Variants in DOCK4 observed in about 807,000 individuals in gnomAD.
DOCK4 encodes the protein dedicator of cytokinesis protein 4.
Under a neutral mutation model 268.1 loss-of-function variants are expected in DOCK4, and 97 were observed. The ratio of observed to expected loss-of-function variants is 0.36; its 90% CI spans 0.31 to 0.43. The LOEUF (loss-of-function observed/expected upper bound fraction) is 0.43, where lower values mean the gene tolerates loss of function less well. Among genes scored for constraint, DOCK4 ranks in the 20% least tolerant of loss-of-function variants. DOCK4 has a pLI of 1.00. For missense variants in DOCK4, 2,145 were observed against 2,455.7 expected (o/e 0.87, Z 2.67); for synonymous variants, 954 against 887.2 (o/e 1.08, Z -1.34).
intron 1 of DOCK4, among the ~76,000 whole-genome samples, chr7:112,100,524 G>A (rs945417607): frequency 1.3e-5 from 2 of 152,196 alleles, no homozygotes; most frequent in South Asian, 2.1e-4. Context: ...CTTAAGATTC[G>A]GCCCAAGGGC....
Position 111,873,966 on chromosome 7 carries a change from A to C in DOCK4, c.1745-1402T>G, listed in dbSNP as rs368702478. ...TGTTGACTATTCAGATGTAATTCAGACATCCTGGGGTATGACTGAAACCTT... is the reference window on the plus strand; with the variant it reads ...TGTTGACTATTCAGATGTAATTCAGCCATCCTGGGGTATGACTGAAACCTT... On this transcript the variant is annotated intron_variant, in intron 17 of 52. Coordinates refer to ENST00000428084, the MANE Select transcript of DOCK4 (RefSeq NM_001363540.2). 3.3e-5 allele frequency among the ~76,000 whole-genome samples: 5 copies of C among 152,344 alleles called. No homozygotes were observed. The East Asian group carries it at 9.6e-4, about 29-fold the overall frequency.
At chr7:112,096,076 CG>C (rs1810101425) in intron 1 of DOCK4, among the ~76,000 whole-genome samples, 1 of 151,988 alleles carries the variant, frequency 6.6e-6, no homozygotes, top group Non-Finnish European at 1.5e-5. Flanking sequence ...GCAACAAAAG[CG>C]AGAAACTTTG....
chr7:111,786,050 C>T (rs995574026), intron 32 of DOCK4, among the ~76,000 whole-genome samples: 8 of 152,148 alleles, frequency 5.3e-5, no homozygotes, highest in Non-Finnish European at 1.0e-4. Flanking sequence ...TGTGCATGCT[C>T]TTTTTAATCC....
intron 13 of DOCK4, among the ~76,000 whole-genome samples, chr7:111,911,951 C>T (rs574804271): frequency 1.6e-4 from 25 of 152,200 alleles, no homozygotes; most frequent in African/African-American, 4.3e-4. Context: ...GAATAGCATG[C>T]CACCAAGTAA....
chr7:111,734,103 A>C (rs1795304242), intron 51 of DOCK4, among the ~76,000 whole-genome samples: 1 of 151,876 alleles, frequency 6.6e-6, no homozygotes, highest in East Asian at 1.9e-4. Flanking sequence ...ATGCCTGGCT[A>C]ATTTTTGCAT....
intron 1 of DOCK4, among the ~76,000 whole-genome samples, chr7:112,089,869 T>G (rs1809468345): frequency 1.3e-5 from 2 of 152,316 alleles, no homozygotes; most frequent in Non-Finnish European, 2.9e-5. Flanking sequence ...AACTTCTTTT[T>G]TTAAATAAAT....
chr7:111,938,618 G>A (rs1794932317), intron 11 of DOCK4, among the ~76,000 whole-genome samples: 1 of 152,142 alleles, frequency 6.6e-6, no homozygotes, highest in African/African-American at 2.4e-5. Context: ...TTTAACTTAG[G>A]ATTTGGAATA....
intron 23 of DOCK4, among the ~76,000 whole-genome samples, chr7:111,857,469 C>A (rs908569491): frequency 2.0e-5 from 3 of 152,180 alleles, no homozygotes; most frequent in Non-Finnish European, 2.9e-5. Flanking sequence ...AAGCTTCTCA[C>A]CAGTGGTACA....
At chr7:111,993,409 G>A (rs891464125) in intron 5 of DOCK4, among the ~76,000 whole-genome samples, 1 of 152,144 alleles carries the variant, frequency 6.6e-6, no homozygotes, top group African/African-American at 2.4e-5. Context: ...TTACAGTGGG[G>A]TTCAGAGTGA....
Position 111,900,384 on chromosome 7 carries a change from C to A in DOCK4, c.1470G>T (p.Arg490=), listed in dbSNP as rs775852414. 8 of 1,612,726 alleles carry A rather than the reference C, an allele frequency of 5.0e-6. No individual in the cohort carries two copies. The East Asian group carries it at 1.8e-4, about 36-fold the overall frequency. The change falls in exon 15 of 53, where the codon CGG becomes CGT. Residue 490 remains arginine, a synonymous_variant. Transcript: ENST00000428084. ...FRGAHIRFEF[R]HCSTKEKGEK... is the part of the protein sequence containing the mutation. ...CCACCAAACACTTACTGGAACAATG[C>A]CGAAACTCGAAGCGGATGTGTGCAC...
chr7:112,010,831 T>C (rs1387592765), intron 1 of DOCK4, among the ~76,000 whole-genome samples: 2 of 152,190 alleles, frequency 1.3e-5, no homozygotes, highest in Non-Finnish European at 1.5e-5. Context: ...TTCTGACGTA[T>C]TAAAAGGTAC....
rs1319069462 is a variant in DOCK4 at position 111,760,296 on chromosome 7, A to C, written c.4047T>G (p.His1349Gln). The change falls in exon 40 of 53, where the codon CAT becomes CAG. Residue 1349 changes from histidine to glutamine, a missense_variant. This residue lies in a region of DOCK4 where 1,598 missense variants were observed against 1,986.7 expected (regional missense o/e 0.80). Coordinates refer to ENST00000428084, the MANE Select transcript of DOCK4 (RefSeq NM_001363540.2). ...LRNKEFVCRGHDYERLEAFQQ... is the reference protein window; with the variant it reads ...LRNKEFVCRGQDYERLEAFQQ... ...GGAAGGCTTCCAGCCTCTCGTAGTC[A>C]TGCCCTCGACACACAAACTCCTTAT... is the stretch of plus-strand genomic sequence containing the variant. The C allele has an allele frequency of 6.2e-7, 1 of 1,613,908 alleles. No individual in the cohort carries two copies. The highest frequency in any genetic ancestry group is 8.5e-7 in the Non-Finnish European group (1 of 1,179,878).
At chr7:112,004,968 TC>T (rs1463476292) in intron 1 of DOCK4, among the ~76,000 whole-genome samples, 1 of 152,140 alleles carries the variant, frequency 6.6e-6, no homozygotes, top group African/African-American at 2.4e-5. Context: ...AGAATAAAGC[TC>T]AGTGATTCTT....
chr7:112,134,473 A>T (rs970736736), intron 1 of DOCK4, among the ~76,000 whole-genome samples: 2 of 152,222 alleles, frequency 1.3e-5, no homozygotes, highest in South Asian at 4.1e-4. Context: ...TAATCCCAGC[A>T]CTTTGGGAGG....
chr7:112,195,969 C>T (rs1820386975), intron 1 of DOCK4, among the ~76,000 whole-genome samples: 1 of 152,116 alleles, frequency 6.6e-6, no homozygotes, highest in Non-Finnish European at 1.5e-5. Flanking sequence ...TAGTAGTTTC[C>T]AAAAGCCTCC....
chr7:111,847,056 C>T lies in DOCK4; in HGVS notation c.2544G>A (p.Leu848=). ...LHIHLQEQKD[L]IMCARILSNV... ...TGCTAAGGATACGTGCACACATGATCAGGTCCTTCTGTTCTTGCAAGTGAA... is the reference window on the plus strand; with the variant it reads ...TGCTAAGGATACGTGCACACATGATTAGGTCCTTCTGTTCTTGCAAGTGAA... Residue 848 remains leucine (L), a synonymous_variant, in exon 24 of 53, where the codon CTG becomes CTA. Coordinates refer to ENST00000428084, the MANE Select transcript of DOCK4 (RefSeq NM_001363540.2). 1 of 1,613,776 alleles carries T rather than the reference C, an allele frequency of 6.2e-7. No individual in the cohort carries two copies. Among genetic ancestry groups the T allele is most frequent in the Non-Finnish European group, 8.5e-7 (1 of 1,179,766 alleles).
At chr7:112,127,202 C>T (rs530181903) in intron 1 of DOCK4, among the ~76,000 whole-genome samples, 1 of 151,852 alleles carries the variant, frequency 6.6e-6, no homozygotes, top group South Asian at 2.1e-4. Flanking sequence ...AAATGTGGCA[C>T]ATATACACCA....
chr7:112,097,300 G>A (rs899720431), intron 1 of DOCK4, among the ~76,000 whole-genome samples: 3 of 152,178 alleles, frequency 2.0e-5, no homozygotes, highest in South Asian at 2.1e-4. Flanking sequence ...TTGGCAGGGC[G>A]TCATGGCTCA....
At chr7:111,865,205 A>G (rs749247564) in intron 22 of DOCK4, among the ~76,000 whole-genome samples, 3 of 152,232 alleles carry the variant, frequency 2.0e-5, no homozygotes, top group Non-Finnish European at 2.9e-5. Context: ...GTGTGTGTCC[A>G]TGAAATAGAA....
Sources: allele counts gnomAD v4.1 joint callset (sites outside exome capture counted in the v4.1 genomes callset), GRCh38; gene constraint gnomAD v4.1.1; regional missense constraint gnomAD v4.1.1; transcripts MANE v1.5; gene names NCBI Gene and HGNC (gene_info 2026-07-23, HGNC 2026-07-21).